The following IQSEC3 variants were observed in gnomAD, a reference collection of about 807,000 sequenced individuals.
IQSEC3 encodes IQ motif and SEC7 domain-containing protein 3.
In IQSEC3, 50 loss-of-function variants were observed where a neutral mutation model predicts 105.4. The observed-to-expected ratio is 0.47, with a 90% CI of 0.38 to 0.60. The LOEUF (loss-of-function observed/expected upper bound fraction) is 0.60. Among genes scored for constraint, IQSEC3 ranks in the 20% least tolerant of loss-of-function variants. The pLI is 0.00. For synonymous variants in IQSEC3, 708 were observed against 746.0 expected, an observed-to-expected ratio of 0.95 and a Z score of 0.83; for missense variants, 1,415 against 1,630.0, an observed-to-expected ratio of 0.87 and a Z score of 2.27.
intron 12 of IQSEC3, among the ~76,000 whole-genome samples, chr12:170,074 T>C (rs1402327287): frequency 1.3e-5 from 2 of 151,960 alleles, no homozygotes; most frequent in Non-Finnish European, 2.9e-5. Flanking sequence ...AGCGAGGACA[T>C]GAGATTCACT....
chr12:109,310 C>T (rs782113114), intron 2 of IQSEC3, among the ~76,000 whole-genome samples: 1 of 152,216 alleles, frequency 6.6e-6, no homozygotes, highest in Non-Finnish European at 1.5e-5. Flanking sequence ...AGTCCCCATC[C>T]AGCCCTGCAG....
intron 9 of IQSEC3, chr12:165,224 A>G: frequency 1.7e-6 from 1 of 584,792 alleles, no homozygotes; most frequent in South Asian, 2.0e-5. Flanking sequence ...CTTGGCTTCT[A>G]AGTACAGAGG....
At chr12:142,815 T>C (rs1277582214) in intron 5 of IQSEC3, among the ~76,000 whole-genome samples, 2 of 152,190 alleles carry the variant, frequency 1.3e-5, no homozygotes, top group Admixed American at 1.3e-4. Context: ...CCCTTCCTTT[T>C]CTGTGTCCCC....
At chr12:167,784 C>G (rs1938751115) in intron 11 of IQSEC3, 1 of 152,190 alleles carries the variant, frequency 6.6e-6, no homozygotes. Context: ...CAGCTTTCCA[C>G]AGTGGGCATC....
rs1555087116 is a variant in IQSEC3 at position 138,382 on chromosome 12, A to G, written c.1019A>G (p.Asn340Ser). 3.1e-6 allele frequency: 5 copies of G among 1,611,518 alleles called. No individual in the cohort carries two copies. The highest frequency in any genetic ancestry group is 3.4e-6 in the Non-Finnish European group (4 of 1,179,870). Residue 340 changes from asparagine (N) to serine (S), a missense_variant, in exon 4 of 14, where the codon AAC (asparagine) becomes AGC (serine). Transcript: ENST00000538872. The surrounding 1 kb of genome is among the most constrained non-coding windows in gnomAD (Gnocchi z 7.1). ...QLSKNFEKIR[N>S]SLLESRLPRR... ...AGCAAGAACTTCGAGAAAATCCGCA[A>G]CTCGCTTCTGGAGAGCCGCCTGCCA...
In IQSEC3 at chr12:177,579, T is replaced by C; in HGVS notation, c.*2546T>C. ...TGTCCAGGAAGCAGCCCAGCCGGGG[T>C]CAGTATTCCGTGGAGCCAGTCCTGA... On this transcript the variant is annotated 3_prime_UTR_variant, in exon 14 of 14. Transcript: ENST00000538872. This position sits in a 1 kb window ranked among gnomAD's most constrained non-coding sequence, Gnocchi z 5.3. 6.6e-6 allele frequency: 1 copy of C among 152,140 alleles called. No homozygotes were observed. Among genetic ancestry groups the C allele is most frequent in the Non-Finnish European group, 1.5e-5 (1 of 68,094 alleles). 9.4% of individuals were successfully genotyped at this position (152,140 alleles called of 1,614,324 possible). A position where few individuals can be genotyped will look rare whatever the true frequency, so the allele number is the denominator to read the frequency against.
chr12:141,105 T>TCC lies in IQSEC3; in HGVS notation c.1992-16_1992-15dup. ...GCTTCAGCTCACTCTCTACTGCTTC[T>TCC]CCCCACCCCCACCTCCAGAAACCCC... On this transcript the variant is annotated intron_variant, in intron 4 of 13. Transcript: ENST00000538872. 1.1e-5 allele frequency: 18 copies of TCC among 1,577,986 alleles called. No individual in the cohort carries two copies. The highest frequency in any genetic ancestry group is 5.6e-5 in the South Asian group (5 of 89,268).
chr12:172,590 G>C (rs541082279), intron 13 of IQSEC3, among the ~76,000 whole-genome samples: 2 of 152,144 alleles, frequency 1.3e-5, no homozygotes, highest in Non-Finnish European at 2.9e-5. Context: ...CGCCTCCCAC[G>C]GCCTCAGCTG....
intron 2 of IQSEC3, among the ~76,000 whole-genome samples, chr12:122,641 T>C (rs1262927072): frequency 6.6e-6 from 1 of 152,206 alleles, no homozygotes; most frequent in Non-Finnish European, 1.5e-5. Flanking sequence ...CCACTGGGGC[T>C]CGATCCCACT....
At chr12:93,087 G>C (rs1037602087) in intron 1 of IQSEC3, among the ~76,000 whole-genome samples, 1 of 152,204 alleles carries the variant, frequency 6.6e-6, no homozygotes, top group Non-Finnish European at 1.5e-5. Context: ...TAAAAGCCCT[G>C]CAAGGTGCAG....
intron 8 of IQSEC3, among the ~76,000 whole-genome samples, chr12:162,284 C>T (rs1866928736): frequency 6.6e-6 from 1 of 151,650 alleles, no homozygotes; most frequent in Admixed American, 6.6e-5. Flanking sequence ...GCAGGAGAGA[C>T]GGAGATGAGA....
intron 1 of IQSEC3, among the ~76,000 whole-genome samples, chr12:82,342 C>T (rs192783342): frequency 3.7e-4 from 56 of 152,266 alleles, no homozygotes; most frequent in Admixed American, 1.6e-3. Context: ...ATATGTTTGA[C>T]ATTTCCCTAA....
chr12:69,911 C>G (rs144785129), intron 1 of IQSEC3, among the ~76,000 whole-genome samples: 1 of 152,264 alleles, frequency 6.6e-6, no homozygotes, highest in Non-Finnish European at 1.5e-5. Flanking sequence ...AGCAGGCAGA[C>G]AGAGATCTCC....
At chr12:98,767 G>C (rs1864320108) in intron 1 of IQSEC3, among the ~76,000 whole-genome samples, 1 of 152,192 alleles carries the variant, frequency 6.6e-6, no homozygotes, top group Non-Finnish European at 1.5e-5. Flanking sequence ...TACCTTGCAG[G>C]ACCATCGTGG....
intron 7 of IQSEC3, among the ~76,000 whole-genome samples, chr12:160,061 T>G (rs1472792239): frequency 6.6e-6 from 1 of 152,208 alleles, no homozygotes; most frequent in African/African-American, 2.4e-5. Context: ...TATAGCATTT[T>G]ATTCTTGCTT....
chr12:172,405 G>C (rs1939053053), intron 13 of IQSEC3, among the ~76,000 whole-genome samples: 1 of 151,992 alleles, frequency 6.6e-6, no homozygotes, highest in South Asian at 2.1e-4. Flanking sequence ...CCAGCCCTCT[G>C]TTCTGTTCTG....
At chr12:151,882 C>T (rs1332031395) in intron 5 of IQSEC3, among the ~76,000 whole-genome samples, 3 of 152,192 alleles carry the variant, frequency 2.0e-5, no homozygotes, top group Non-Finnish European at 4.4e-5. Flanking sequence ...TCCTACTCAT[C>T]TTTCAGGCCT....
chr12:93,623 T>A (rs545061696), intron 1 of IQSEC3, among the ~76,000 whole-genome samples: 1 of 152,332 alleles, frequency 6.6e-6, no homozygotes, highest in African/African-American at 2.4e-5. Context: ...TATGGCTCCT[T>A]TCCAGCTACA....
chr12:151,933 T>C (rs1866525177), intron 5 of IQSEC3, among the ~76,000 whole-genome samples: 1 of 152,114 alleles, frequency 6.6e-6, no homozygotes, highest in African/African-American at 2.4e-5. Flanking sequence ...TTTCCAGACA[T>C]ACAATATAAA....
Sources: allele counts gnomAD v4.1 joint callset (sites outside exome capture counted in the v4.1 genomes callset), GRCh38; gene constraint gnomAD v4.1.1; non-coding constraint Gnocchi (gnomAD v3.1); transcripts MANE v1.5; gene names NCBI Gene and HGNC (gene_info 2026-07-23, HGNC 2026-07-21).